ZFHX3: variants seen among roughly 807,000 people sequenced by gnomAD.
The protein encoded by ZFHX3 is zinc finger homeobox 3.
Under a neutral mutation model 279.1 loss-of-function variants are expected in ZFHX3, and 42 were observed. The ratio of observed to expected loss-of-function variants is 0.15; its 90% CI spans 0.12 to 0.19. ZFHX3 has a LOEUF of 0.19. ZFHX3 is among the 10% of genes least tolerant of loss of function. The pLI, the probability that ZFHX3 is intolerant of heterozygous loss-of-function variation, is 1.00. For synonymous variants in ZFHX3, 2,293 were observed against 1,957.8 expected (o/e 1.17, Z -4.52); for missense variants, 4,981 against 4,754.0 (o/e 1.05, Z -1.40).
At chr16:72,861,879 G>T (rs1214922005) in intron 4 of ZFHX3, among the ~76,000 whole-genome samples, 1 of 152,098 alleles carries the variant, frequency 6.6e-6, no homozygotes, top group East Asian at 1.9e-4. Context: ...GCCGGGTGTG[G>T]TGGCATGAGC....
At chr16:72,894,629 G>A (rs1236043968) in intron 3 of ZFHX3, among the ~76,000 whole-genome samples, 2 of 152,210 alleles carry the variant, frequency 1.3e-5, no homozygotes, top group East Asian at 3.9e-4. Flanking sequence ...TGGAGGAGGA[G>A]GGAGAATAAT....
At chr16:73,643,594 G>A (rs1421512273) in intron 2 of ZFHX3, among the ~76,000 whole-genome samples, 1 of 152,178 alleles carries the variant, frequency 6.6e-6, no homozygotes, top group African/African-American at 2.4e-5. Context: ...TTTTCTCTCT[G>A]CTGAAGACTG....
At chr16:73,539,740 G>A (rs1041333551) in intron 2 of ZFHX3, among the ~76,000 whole-genome samples, 2 of 152,098 alleles carry the variant, frequency 1.3e-5, no homozygotes, top group Non-Finnish European at 2.9e-5. Flanking sequence ...CCGGGCCATC[G>A]GTGTGTGAAG....
Position 72,787,342 on chromosome 16 carries a change from G to T in ZFHX3, c.10934C>A (p.Ser3645Ter), listed in dbSNP as rs889246044. 2 of 1,613,636 alleles carry T rather than the reference G, an allele frequency of 1.2e-6. No individual in the cohort carries two copies. The highest frequency in any genetic ancestry group is 1.7e-6 in the Non-Finnish European group (2 of 1,179,756). ...GGGCTGAACCCCTGAGGTGCTGCAT[G>T]AACTTGAGGTAACCGTTGAAGATGA... is the stretch of plus-strand genomic sequence containing the variant. The part of the protein sequence containing the change: ...LSSSSTVTSS[S>*]CSTSGVQPSM... Residue 3645 changes from serine to a stop codon, truncating the protein, a stop_gained, in exon 10 of 10, where the codon TCA (serine) becomes TAA (stop). Transcript: ENST00000268489. LOFTEE classifies it high-confidence loss of function.
intron 1 of ZFHX3, among the ~76,000 whole-genome samples, chr16:73,786,166 C>G (rs1186384976): frequency 6.6e-6 from 1 of 151,986 alleles, no homozygotes; most frequent in African/African-American, 2.4e-5. Context: ...CCACCGTGCC[C>G]AGCCAGAATG....
intron 5 of ZFHX3, among the ~76,000 whole-genome samples, chr16:73,160,072 T>C (rs1967191631): frequency 6.6e-6 from 1 of 152,162 alleles, no homozygotes; most frequent in Non-Finnish European, 1.5e-5. Context: ...CTAAGCTAGA[T>C]TATTAGGGAC....
intron 4 of ZFHX3, among the ~76,000 whole-genome samples, chr16:72,874,267 C>A (rs1481912169): frequency 7.3e-6 from 1 of 136,616 alleles, no homozygotes. Context: ...AGTGCAGTGG[C>A]ACAATCTCGG....
chr16:73,800,532 T>C (rs1201341399), intron 1 of ZFHX3, among the ~76,000 whole-genome samples: 1 of 152,114 alleles, frequency 6.6e-6, no homozygotes, highest in African/African-American at 2.4e-5. Context: ...TTGTTATTTA[T>C]GTTGTGCTTT....
chr16:73,555,778 T>C (rs1046637679), intron 2 of ZFHX3, among the ~76,000 whole-genome samples: 6 of 150,570 alleles, frequency 4.0e-5, no homozygotes, highest in Non-Finnish European at 8.9e-5. Flanking sequence ...GTTGCAGTGA[T>C]CTGAAATAGC....
intron 2 of ZFHX3, among the ~76,000 whole-genome samples, chr16:73,560,382 G>A (rs1243149870): frequency 1.3e-5 from 2 of 152,260 alleles, no homozygotes; most frequent in East Asian, 1.9e-4. Context: ...TTCAGAAGTC[G>A]ACGCCATTTT....
At chr16:73,132,734 T>C (rs1459788860) in intron 6 of ZFHX3, among the ~76,000 whole-genome samples, 2 of 152,224 alleles carry the variant, frequency 1.3e-5, no homozygotes, top group Non-Finnish European at 2.9e-5. Flanking sequence ...GCACATAATG[T>C]AACATGATTC....
At chr16:73,597,495 C>T (rs1244254548) in intron 2 of ZFHX3, among the ~76,000 whole-genome samples, 1 of 152,122 alleles carries the variant, frequency 6.6e-6, no homozygotes, top group African/African-American at 2.4e-5. Flanking sequence ...ACAATAGGGA[C>T]TTTGAAGACG....
intron 1 of ZFHX3, among the ~76,000 whole-genome samples, chr16:73,790,527 C>A (rs370517045): frequency 1.1e-4 from 16 of 152,318 alleles, no homozygotes; most frequent in Admixed American, 6.5e-4. Flanking sequence ...CATTTCTCCT[C>A]TCTTTCCACC....
chr16:73,199,720 C>A, intron 5 of ZFHX3, among the ~76,000 whole-genome samples: 1 of 152,192 alleles, frequency 6.6e-6, no homozygotes, highest in East Asian at 1.9e-4. Context: ...CTTGCTAACA[C>A]AGGCTCCTTT....
At chr16:73,716,618 C>G (rs1255519456) in intron 1 of ZFHX3, among the ~76,000 whole-genome samples, 1 of 22,120 alleles carries the variant, frequency 4.5e-5, no homozygotes, top group Non-Finnish European at 1.3e-4. Context: ...TCTGAACACA[C>G]ACACACACAC....
chr16:73,247,118 G>C (rs2013305443), intron 5 of ZFHX3, among the ~76,000 whole-genome samples: 1 of 152,032 alleles, frequency 6.6e-6, no homozygotes, highest in African/African-American at 2.4e-5. Context: ...GTCTGTCTAT[G>C]TGCCTGTATG....
chr16:73,052,908 G>C (rs1180633353), upstream of ZFHX3, among the ~76,000 whole-genome samples: 1 of 152,126 alleles, frequency 6.6e-6, no homozygotes, highest in African/African-American at 2.4e-5. Flanking sequence ...CCGTTCTCCA[G>C]AAACAAAAGG....
intron 7 of ZFHX3, chr16:73,093,885 T>C (rs1966123205): frequency 7.7e-6 from 2 of 260,140 alleles, no homozygotes; most frequent in South Asian, 8.9e-5. Flanking sequence ...CTACTAATAG[T>C]ACTAAGTAGA....
chr16:73,419,617 A>AT lies in ZFHX3; in HGVS notation c.-1291+36385dup, dbSNP rs200742533. On this transcript the variant is annotated intron_variant, in intron 3 of 17. Transcript: ENST00000641206. ...GCTAGCATTTACTATATGCCATATG[A>AT]TTTTTTTTTTGAGATGGGGTCTCGC... is the stretch of plus-strand genomic sequence containing the variant. Among the ~76,000 whole-genome samples, 457 of 149,566 alleles carry AT rather than the reference A, an allele frequency of 3.1e-3. 1 individual carries two copies. The highest frequency in any genetic ancestry group is 9.3e-3 in the African/African-American group (381 of 40,826).
Sources: allele counts gnomAD v4.1 joint callset (sites outside exome capture counted in the v4.1 genomes callset), GRCh38; gene constraint gnomAD v4.1.1; transcripts MANE v1.5; gene names NCBI Gene and HGNC (gene_info 2026-07-23, HGNC 2026-07-21).